The following CACHD1 variants were observed in gnomAD, a reference collection of about 807,000 sequenced individuals.
The protein encoded by CACHD1 is VWFA and cache domain-containing protein 1.
In CACHD1, 71 loss-of-function variants were observed where a neutral mutation model predicts 138.7. The ratio of observed to expected loss-of-function variants is 0.51; its 90% CI spans 0.42 to 0.62. The LOEUF is 0.62. Among genes scored for constraint, CACHD1 ranks in the 20% least tolerant of loss-of-function variants. CACHD1 has a pLI of 0.00. For synonymous variants in CACHD1, 578 were observed against 591.5 expected (o/e 0.98, Z 0.33); for missense variants, 1,389 against 1,625.3 (o/e 0.85, Z 2.50).
intron 4 of CACHD1, among the ~76,000 whole-genome samples, chr1:64,610,518 C>T (rs947936786): frequency 6.6e-6 from 1 of 152,114 alleles, no homozygotes; most frequent in African/African-American, 2.4e-5. Context: ...CCATGCAAGT[C>T]GAAAATCAAA....
At chr1:64,573,884 A>G (rs765789533) in intron 2 of CACHD1, among the ~76,000 whole-genome samples, 1 of 152,246 alleles carries the variant, frequency 6.6e-6, no homozygotes, top group Non-Finnish European at 1.5e-5. Context: ...CATGTCACAC[A>G]GTGCCCTAAA....
chr1:64,511,828 T>C (rs992507648), intron 1 of CACHD1, among the ~76,000 whole-genome samples: 2 of 152,100 alleles, frequency 1.3e-5, no homozygotes, highest in Non-Finnish European at 2.9e-5. Flanking sequence ...TGAACTACAG[T>C]TGCCTTCCTT....
intron 4 of CACHD1, among the ~76,000 whole-genome samples, chr1:64,621,528 A>G (rs1011008049): frequency 6.6e-6 from 1 of 152,216 alleles, no homozygotes; most frequent in Non-Finnish European, 1.5e-5. Context: ...AAGAATACAC[A>G]GGACGTTACC....
chr1:64,671,735 A>T, intron 17 of CACHD1, 49 bp downstream of exon 17: 3 of 1,611,142 alleles, frequency 1.9e-6, no homozygotes, highest in South Asian at 2.2e-5. Flanking sequence ...GTTTAAAAAT[A>T]GATGTCAGGT....
At chr1:64,647,754 A>G in intron 8 of CACHD1, 47 bp from the exon 9 acceptor site, 1 of 1,538,030 alleles carries the variant, frequency 6.5e-7, no homozygotes, top group Non-Finnish European at 9.0e-7. Flanking sequence ...TTGAATGGAT[A>G]TAAACCATTT....
chr1:64,656,057 G>GT (rs1451511817), intron 12 of CACHD1, among the ~76,000 whole-genome samples: 2 of 152,206 alleles, frequency 1.3e-5, no homozygotes, highest in African/African-American at 4.8e-5. Context: ...GTCTGTGCCT[G>GT]TATCAGTTGG....
chr1:64,625,172 G>A (rs1481245958), intron 4 of CACHD1, among the ~76,000 whole-genome samples: 1 of 152,212 alleles, frequency 6.6e-6, no homozygotes, highest in African/African-American at 2.4e-5. Flanking sequence ...GATAGGGGAT[G>A]AGTGGGAATT....
chr1:64,621,470 G>A (rs1416023514), intron 4 of CACHD1, among the ~76,000 whole-genome samples: 1 of 152,018 alleles, frequency 6.6e-6, no homozygotes, highest in Non-Finnish European at 1.5e-5. Flanking sequence ...CCTTCCCCAT[G>A]GAGCTTAAGG....
At chr1:64,657,756 T>C (rs957982506) in intron 12 of CACHD1, among the ~76,000 whole-genome samples, 4 of 152,218 alleles carry the variant, frequency 2.6e-5, no homozygotes, top group Admixed American at 6.5e-5. Context: ...TTTATTTCAC[T>C]AAGTAAGTCA....
At chr1:64,580,869 A>C (rs1647007009) in intron 2 of CACHD1, among the ~76,000 whole-genome samples, 1 of 152,196 alleles carries the variant, frequency 6.6e-6, no homozygotes, top group Non-Finnish European at 1.5e-5. Flanking sequence ...TGTCTAAATT[A>C]AACTGGGTTT....
At chr1:64,652,079 A>C in intron 9 of CACHD1, 82 bp from the exon 10 acceptor site, 4 of 1,248,816 alleles carry the variant, frequency 3.2e-6, no homozygotes. Context: ...AGAAGCCTTC[A>C]TGATTCACCG....
intron 1 of CACHD1, among the ~76,000 whole-genome samples, chr1:64,543,398 A>ATACATAT (rs1207530916): frequency 1.9e-4 from 10 of 53,072 alleles, no homozygotes; most frequent in African/African-American, 8.0e-4. Flanking sequence ...TCTAAAAAAA[A>ATACATAT]ATACATATAT....
intron 1 of CACHD1, among the ~76,000 whole-genome samples, chr1:64,541,656 A>G (rs2100429159): frequency 6.6e-6 from 1 of 151,402 alleles, no homozygotes; most frequent in Admixed American, 6.6e-5. Flanking sequence ...AAACAAAACA[A>G]AACAAAACCA....
intron 1 of CACHD1, among the ~76,000 whole-genome samples, chr1:64,487,784 T>C (rs756601318): frequency 3.9e-5 from 6 of 152,214 alleles, no homozygotes; most frequent in African/African-American, 7.2e-5. Flanking sequence ...TTCAAATCAA[T>C]TAGTTTAGAA....
At chr1:64,634,352 G>GA (rs1292557830) in intron 7 of CACHD1, 92 bp downstream of exon 7, 1 of 644,556 alleles carries the variant, frequency 1.6e-6, no homozygotes, top group African/African-American at 1.9e-5. Context: ...GATGTTTAGA[G>GA]AGATTTTATT....
intron 1 of CACHD1, among the ~76,000 whole-genome samples, chr1:64,533,182 C>T (rs1183110255): frequency 6.6e-6 from 1 of 152,102 alleles, no homozygotes; most frequent in Non-Finnish European, 1.5e-5. Flanking sequence ...ATGGTGAAAC[C>T]CCGTCTCTAC....
chr1:64,596,732 T>C (rs1424248774), intron 3 of CACHD1, among the ~76,000 whole-genome samples: 4 of 152,236 alleles, frequency 2.6e-5, no homozygotes, highest in African/African-American at 7.2e-5. Flanking sequence ...TTTGCACTTA[T>C]CTCAGCATTT....
At chr1:64,669,252 T>C (rs1649738666) in intron 16 of CACHD1, among the ~76,000 whole-genome samples, 1 of 152,306 alleles carries the variant, frequency 6.6e-6, no homozygotes, top group African/African-American at 2.4e-5. Flanking sequence ...TTAGAGATGA[T>C]GCATGCATGT....
In CACHD1 at chr1:64,506,717, G is replaced by A. The variant is rs532171071; in HGVS notation, c.198+35775G>A. On this transcript the variant is annotated intron_variant, in intron 1 of 26. Transcript: ENST00000651257. ...AAGTATCTGGTGTATCTTGTGTCAC[G>A]GTTTTGTTCTTGCCCGTTACTTACT... Among the ~76,000 whole-genome samples, 65 of 152,264 alleles carry A rather than the reference G, an allele frequency of 4.3e-4. 1 individual carries two copies. The South Asian group carries it at 0.013, about 30-fold the overall frequency.
Sources: gnomAD v4.1 joint callset for allele counts (sites outside exome capture counted in the v4.1 genomes callset) on GRCh38, gnomAD v4.1.1 for gene constraint, MANE v1.5 for transcripts, NCBI Gene and HGNC (gene_info 2026-07-23, HGNC 2026-07-21) for gene names.